The following ZRANB3 variants were observed in gnomAD, a reference collection of about 807,000 sequenced individuals.
The protein encoded by ZRANB3 is DNA annealing helicase and endonuclease ZRANB3.
Under a neutral mutation model 133.8 loss-of-function variants are expected in ZRANB3, and 125 were observed. The observed-to-expected ratio is 0.93, with a 90% CI of 0.81 to 1.08. The LOEUF is 1.08. ZRANB3 is among the 50% of genes least tolerant of loss of function. The pLI, the probability that ZRANB3 is intolerant of heterozygous loss-of-function variation, is 0.00. For synonymous variants in ZRANB3, 387 were observed against 432.7 expected, an observed-to-expected ratio of 0.89 and a Z score of 1.31; for missense variants, 1,229 against 1,275.5, an observed-to-expected ratio of 0.96 and a Z score of 0.56.
intron 15 of ZRANB3, among the ~76,000 whole-genome samples, chr2:135,220,564 G>A (rs572943652): frequency 6.6e-5 from 10 of 151,542 alleles, no homozygotes; most frequent in Non-Finnish European, 1.3e-4. Context: ...TGGGCATGGT[G>A]GCGTGCACCT....
chr2:135,430,145 C>T (rs1194794185), intron 2 of ZRANB3, among the ~76,000 whole-genome samples: 7 of 151,596 alleles, frequency 4.6e-5, no homozygotes, highest in African/African-American at 1.2e-4. Context: ...CACTGCGTTC[C>T]AGCATGCGTG....
chr2:135,377,575 G>T (rs530590425), intron 3 of ZRANB3, among the ~76,000 whole-genome samples: 148 of 152,232 alleles, frequency 9.7e-4, no homozygotes, highest in Middle Eastern at 6.8e-3. Context: ...ACAGGAGTGG[G>T]TTCCCAATTG....
At chr2:135,474,489 C>T (rs72986457) in intron 2 of ZRANB3, among the ~76,000 whole-genome samples, 6,560 of 152,080 alleles carry the variant, frequency 0.043, 479 homozygotes, top group African/African-American at 0.15. Flanking sequence ...AGTTCTCACA[C>T]GTTTAGTTAC....
chr2:135,390,792 A>C lies in ZRANB3; in HGVS notation c.180+10T>G. On this transcript the variant is annotated intron_variant, in intron 3 of 20. Transcript: ENST00000264159. ...CTTATAAAAGACATAAAAACCATTGAAACACTTACTTCATCAGCCACCATA... is the reference window on the plus strand; with the variant it reads ...CTTATAAAAGACATAAAAACCATTGCAACACTTACTTCATCAGCCACCATA... 1 of 1,552,484 alleles carries C rather than the reference A, an allele frequency of 6.4e-7. No homozygotes were observed. The highest frequency in any genetic ancestry group is 8.7e-7 in the Non-Finnish European group (1 of 1,149,468).
At chr2:135,283,441 T>C (rs1174757150) in intron 8 of ZRANB3, among the ~76,000 whole-genome samples, 1 of 151,728 alleles carries the variant, frequency 6.6e-6, no homozygotes, top group East Asian at 1.9e-4. Flanking sequence ...AAACCCCATC[T>C]CTACTAAAAT....
intron 6 of ZRANB3, among the ~76,000 whole-genome samples, chr2:135,328,467 G>A (rs1488142779): frequency 2.6e-5 from 4 of 152,114 alleles, no homozygotes; most frequent in African/African-American, 9.7e-5. Flanking sequence ...TATCATTGAT[G>A]GACATTTGGT....
chr2:135,521,346 A>C (rs751672445), intron 1 of ZRANB3, among the ~76,000 whole-genome samples: 1 of 152,140 alleles, frequency 6.6e-6, no homozygotes, highest in Non-Finnish European at 1.5e-5. Context: ...CAGGAGTTCA[A>C]GACCAGCCTC....
At chr2:135,455,722 G>A (rs1402817848) in intron 2 of ZRANB3, among the ~76,000 whole-genome samples, 2 of 150,550 alleles carry the variant, frequency 1.3e-5, no homozygotes, top group African/African-American at 4.9e-5. Flanking sequence ...CTCCCGAGTA[G>A]CTCAGACTAT....
At chr2:135,297,308 T>C (rs1003842026) in intron 8 of ZRANB3, among the ~76,000 whole-genome samples, 1 of 152,198 alleles carries the variant, frequency 6.6e-6, no homozygotes, top group Non-Finnish European at 1.5e-5. Flanking sequence ...CGCTGCCACC[T>C]TGCAGTTTGA....
chr2:135,521,929 G>A (rs1312219247), intron 1 of ZRANB3, among the ~76,000 whole-genome samples: 2 of 152,138 alleles, frequency 1.3e-5, no homozygotes, highest in Non-Finnish European at 2.9e-5. Flanking sequence ...GGTCTCCCCT[G>A]TGTGAGACAC....
intron 12 of ZRANB3, among the ~76,000 whole-genome samples, chr2:135,256,463 G>T (rs1184584437): frequency 6.6e-6 from 1 of 152,160 alleles, no homozygotes; most frequent in Non-Finnish European, 1.5e-5. Context: ...CGAGTAGCTG[G>T]GATTATAGGC....
intron 2 of ZRANB3, among the ~76,000 whole-genome samples, chr2:135,437,478 A>T (rs1182715264): frequency 6.6e-6 from 1 of 152,212 alleles, no homozygotes; most frequent in Non-Finnish European, 1.5e-5. Context: ...TGGAAAAAAC[A>T]TACCATAAAC....
At chr2:135,289,412 C>G (rs973769116) in intron 8 of ZRANB3, among the ~76,000 whole-genome samples, 1 of 152,022 alleles carries the variant, frequency 6.6e-6, no homozygotes, top group South Asian at 2.1e-4. Flanking sequence ...CCTGCCACTG[C>G]GCACGGCTAA....
intron 2 of ZRANB3, among the ~76,000 whole-genome samples, chr2:135,459,769 T>C (rs1157523129): frequency 6.6e-6 from 1 of 152,168 alleles, no homozygotes; most frequent in East Asian, 1.9e-4. Context: ...AACATAAATT[T>C]CTGGGGTACC....
At chr2:135,487,673 T>G (rs1466094105) in intron 2 of ZRANB3, among the ~76,000 whole-genome samples, 2 of 152,208 alleles carry the variant, frequency 1.3e-5, no homozygotes, top group African/African-American at 4.8e-5. Flanking sequence ...CCTCTTTAGC[T>G]TCAAATTTTT....
chr2:135,413,438 A>G (rs1032188542), intron 2 of ZRANB3, among the ~76,000 whole-genome samples: 2 of 152,214 alleles, frequency 1.3e-5, no homozygotes, highest in Non-Finnish European at 2.9e-5. Flanking sequence ...CTACATTTGA[A>G]GCTACCATCC....
At chr2:135,513,564 T>G (rs1277361880) in intron 1 of ZRANB3, among the ~76,000 whole-genome samples, 1 of 152,162 alleles carries the variant, frequency 6.6e-6, no homozygotes, top group Admixed American at 6.5e-5. Flanking sequence ...TAACTTAAAA[T>G]GGATCAAAGA....
chr2:135,469,547 T>A (rs1691158780), intron 2 of ZRANB3, among the ~76,000 whole-genome samples: 1 of 152,176 alleles, frequency 6.6e-6, no homozygotes, highest in Non-Finnish European at 1.5e-5. Flanking sequence ...ATTAATTCAG[T>A]TTGAATAGCA....
chr2:135,345,085 A>G (rs1327510986), intron 6 of ZRANB3: 1 of 152,294 alleles, frequency 6.6e-6, no homozygotes, highest in Non-Finnish European at 1.5e-5. Flanking sequence ...TTCAAAAATA[A>G]AAAGTAGAAA....
Sources: gnomAD v4.1 joint callset for allele counts (sites outside exome capture counted in the v4.1 genomes callset) on GRCh38, gnomAD v4.1.1 for gene constraint, MANE v1.5 for transcripts, NCBI Gene and HGNC (gene_info 2026-07-23, HGNC 2026-07-21) for gene names.